Variants in CDH23 observed in about 807,000 individuals in gnomAD.
CDH23 encodes the protein cadherin-23.
In CDH23, 189 loss-of-function variants were observed where a neutral mutation model predicts 317.1. That is an observed-to-expected ratio of 0.60 (90% confidence interval 0.53 to 0.67). The LOEUF (loss-of-function observed/expected upper bound fraction) is 0.67, where lower values mean the gene tolerates loss of function less well. Among genes scored for constraint, CDH23 ranks in the 30% least tolerant of loss-of-function variants. The pLI is 0.00. For missense variants in CDH23, 4,401 were observed against 4,592.4 expected (o/e 0.96, Z 1.20); for synonymous variants, 1,839 against 1,876.8 (o/e 0.98, Z 0.52).
At chr10:71,433,098 A>G (rs1849470948) in intron 1 of CDH23, among the ~76,000 whole-genome samples, 1 of 152,210 alleles carries the variant, frequency 6.6e-6, no homozygotes, top group Non-Finnish European at 1.5e-5. Flanking sequence ...GATAGGCGGA[A>G]TGCAGAAACT....
intron 8 of CDH23, among the ~76,000 whole-genome samples, chr10:71,573,680 G>A (rs996262329): frequency 1.1e-4 from 16 of 152,342 alleles, no homozygotes; most frequent in African/African-American, 3.1e-4. Context: ...GGGCACTAAG[G>A]CCCATGCCCA....
At chr10:71,794,553 G>A (rs1348209984) in intron 48 of CDH23, 1 of 152,258 alleles carries the variant, frequency 6.6e-6, no homozygotes, top group African/African-American at 2.4e-5. Context: ...ACATGGAGCT[G>A]ATACGTGTAC....
intron 19 of CDH23, among the ~76,000 whole-genome samples, chr10:71,689,447 C>T (rs1318611207): frequency 6.6e-6 from 1 of 152,102 alleles, no homozygotes; most frequent in Admixed American, 6.5e-5. Flanking sequence ...CAAGGAGAAG[C>T]CTTCACTATG....
chr10:71,451,259 C>T (rs959562133), intron 3 of CDH23, among the ~76,000 whole-genome samples: 1 of 152,200 alleles, frequency 6.6e-6, no homozygotes, highest in Non-Finnish European at 1.5e-5. Context: ...CTCCCTGACT[C>T]GGCCCTCACC....
intron 1 of CDH23, among the ~76,000 whole-genome samples, chr10:71,401,426 T>A (rs189477907): frequency 2.6e-5 from 4 of 152,356 alleles, no homozygotes; most frequent in African/African-American, 9.6e-5. Context: ...ATTGACCCAA[T>A]GGCTTATCCC....
intron 17 of CDH23, among the ~76,000 whole-genome samples, chr10:71,682,240 C>T (rs1864682901): frequency 6.6e-6 from 1 of 152,226 alleles, no homozygotes; most frequent in South Asian, 2.1e-4. Context: ...CCAGCTATCA[C>T]CTGGTGGGCG....
chr10:71,586,746 A>G (rs1193242939), intron 9 of CDH23, among the ~76,000 whole-genome samples: 1 of 152,190 alleles, frequency 6.6e-6, no homozygotes, highest in Non-Finnish European at 1.5e-5. Flanking sequence ...CTTATCGCAT[A>G]TATGTGGATG....
intron 6 of CDH23, among the ~76,000 whole-genome samples, chr10:71,540,525 C>G (rs1855928342): frequency 6.6e-6 from 1 of 152,138 alleles, no homozygotes; most frequent in Non-Finnish European, 1.5e-5. Context: ...TTGGTGATGA[C>G]TTAGCTGGTC....
chr10:71,446,906 G>T (rs1237672969), intron 3 of CDH23, among the ~76,000 whole-genome samples: 2 of 152,194 alleles, frequency 1.3e-5, no homozygotes, highest in African/African-American at 4.8e-5. Context: ...TGGCCCCATT[G>T]TCCTAGCTCA....
intron 3 of CDH23, among the ~76,000 whole-genome samples, chr10:71,474,793 T>C (rs1851703884): frequency 6.6e-6 from 1 of 152,180 alleles, no homozygotes; most frequent in South Asian, 2.1e-4. Flanking sequence ...GGGGTTGTGC[T>C]CAGAGCAGAC....
chr10:71,600,170 T>G (rs1163444766), intron 9 of CDH23, among the ~76,000 whole-genome samples: 1 of 151,862 alleles, frequency 6.6e-6, no homozygotes, highest in African/African-American at 2.4e-5. Context: ...ACCCGGCTAA[T>G]TTTGTACTTT....
intron 6 of CDH23, among the ~76,000 whole-genome samples, chr10:71,532,084 A>G (rs1199246016): frequency 6.6e-6 from 1 of 152,194 alleles, no homozygotes; most frequent in African/African-American, 2.4e-5. Context: ...TTTGGGAGCC[A>G]GGAAGGAGGG....
Position 71,397,224 on chromosome 10 carries a change from GC to G in CDH23, c.-98del. The G allele has an allele frequency of 4.2e-6, 1 of 239,040 alleles. No individual in the cohort carries two copies. The highest frequency in any genetic ancestry group is 8.4e-6 in the Non-Finnish European group (1 of 119,410). 14.8% of individuals were successfully genotyped at this position (239,040 alleles called of 1,614,324 possible). ...GCGCCGGCGGGAAGACGCGGCGGTGGCCAGGGCCAGAGCAGGCGGCCCGCGG... is the reference window on the plus strand; with the variant it reads ...GCGCCGGCGGGAAGACGCGGCGGTGGCAGGGCCAGAGCAGGCGGCCCGCGG... On this transcript the variant is annotated 5_prime_UTR_variant, in exon 1 of 70. Coordinates refer to ENST00000224721, the MANE Select transcript of CDH23 (RefSeq NM_022124.6). The surrounding 1 kb of genome is among the most constrained non-coding windows in gnomAD (Gnocchi z 4.8).
Position 71,732,650 on chromosome 10 carries a change from A to G in CDH23, c.4104+275A>G, listed in dbSNP as rs1839430930. 4.3e-6 allele frequency: 6 copies of G among 1,388,820 alleles called. No individual in the cohort carries two copies. The Admixed American group carries it at 1.2e-4, about 28-fold the overall frequency. The allele number at this position is 1,388,820 out of a possible 1,614,324, so 86.0% of individuals were successfully genotyped here. On this transcript the variant is annotated intron_variant, in intron 32 of 69. Coordinates refer to ENST00000224721, the MANE Select transcript of CDH23 (RefSeq NM_022124.6). ...CTTGTCTCTTACAAAGAAACAAAAA[A>G]AAGTCCCCGAGATCAATATCCCTGT...
At chr10:71,399,071 C>T (rs775618419) in intron 1 of CDH23, among the ~76,000 whole-genome samples, 18 of 152,246 alleles carry the variant, frequency 1.2e-4, no homozygotes, top group Admixed American at 3.3e-4. Context: ...CCCCACTCAA[C>T]AAGCTACCTT....
intron 38 of CDH23, among the ~76,000 whole-genome samples, chr10:71,771,333 C>T (rs1017701635): frequency 2.6e-5 from 4 of 152,204 alleles, no homozygotes; most frequent in African/African-American, 7.2e-5. Context: ...CCATTCTCCT[C>T]AGTGCTGGCC....
At chr10:71,520,507 G>T (rs1388338096) in intron 6 of CDH23, among the ~76,000 whole-genome samples, 1 of 152,224 alleles carries the variant, frequency 6.6e-6, no homozygotes. Context: ...AGGTGGCTGG[G>T]GAAGATTCTC....
At chr10:71,399,226 A>G (rs970838849) in intron 1 of CDH23, among the ~76,000 whole-genome samples, 6 of 152,236 alleles carry the variant, frequency 3.9e-5, no homozygotes, top group Non-Finnish European at 8.8e-5. Context: ...GCCTGTGGAC[A>G]TGCAGCGTCG....
intron 69 of CDH23, among the ~76,000 whole-genome samples, chr10:71,814,657 C>G (rs1218284698): frequency 6.7e-6 from 1 of 149,362 alleles, no homozygotes; most frequent in African/African-American, 2.5e-5. Context: ...CACACACACA[C>G]ACACAATTTT....
Sources: gnomAD v4.1 joint callset for allele counts (sites outside exome capture counted in the v4.1 genomes callset) on GRCh38, gnomAD v4.1.1 for gene constraint, Gnocchi (gnomAD v3.1) non-coding constraint, MANE v1.5 for transcripts, NCBI Gene and HGNC (gene_info 2026-07-23, HGNC 2026-07-21) for gene names.